Variants in RUSC2 observed in about 807,000 individuals in gnomAD.
RUSC2 encodes AP-4 complex accessory subunit RUSC2.
A neutral mutation model predicts 122.2 loss-of-function variants in RUSC2; 34 were observed. The observed-to-expected ratio is 0.28, with a 90% CI of 0.21 to 0.37. The LOEUF (loss-of-function observed/expected upper bound fraction) is 0.37. Ranked by LOEUF, RUSC2 falls within the 10% of genes least tolerant of loss-of-function variation. RUSC2 has a pLI of 1.00. For missense variants in RUSC2, 1,747 were observed against 1,952.4 expected, an observed-to-expected ratio of 0.89 and a Z score of 1.98; for synonymous variants, 784 against 790.0, an observed-to-expected ratio of 0.99 and a Z score of 0.13.
chr9:35,503,938 C>T (rs150640559), intron 1 of RUSC2, among the ~76,000 whole-genome samples: 1 of 152,192 alleles, frequency 6.6e-6, no homozygotes, highest in East Asian at 1.9e-4. Flanking sequence ...CTATGCCCAG[C>T]TAATTTTTGT....
At chr9:35,517,503 C>T (rs1821129910) in intron 1 of RUSC2, among the ~76,000 whole-genome samples, 1 of 140,510 alleles carries the variant, frequency 7.1e-6, no homozygotes, top group Non-Finnish European at 1.6e-5. Flanking sequence ...TGTCCTGGGC[C>T]CACAAACAGG....
intron 1 of RUSC2, among the ~76,000 whole-genome samples, chr9:35,528,212 G>A (rs1355201740): frequency 6.6e-6 from 1 of 151,954 alleles, no homozygotes; most frequent in Non-Finnish European, 1.5e-5. Context: ...ATAGCAAGAT[G>A]CCATCTCTAC....
chr9:35,517,265 G>A (rs1821126178), intron 1 of RUSC2, among the ~76,000 whole-genome samples: 2 of 152,246 alleles, frequency 1.3e-5, no homozygotes, highest in African/African-American at 4.8e-5. Flanking sequence ...TAGATTTCTA[G>A]TTCTCTTCGG....
At position 35,547,980 on chromosome 9, in the gene RUSC2, C is replaced by T; in HGVS notation, c.1459C>T (p.Pro487Ser). The T allele has an allele frequency of 1.2e-6, 2 of 1,614,188 alleles. No individual in the cohort carries two copies. The highest frequency in any genetic ancestry group is 1.7e-5 in the Admixed American group (1 of 60,030). ...ACAAGTATACACGAATACTTCACCC[C>T]CCAACCTCAGCACTGGACGTCAGCG... ...EGQVYTNTSP[P>S]NLSTGRQRSR... Residue 487 changes from proline to serine, a missense_variant, in exon 2 of 12, where the codon CCC becomes TCC. Physicochemically the swap from Pro to Ser is moderately conservative, Grantham distance 74 (BLOSUM62 -1). Coordinates refer to ENST00000361226, the MANE Select transcript of RUSC2 (RefSeq NM_014806.5). This position sits in a 1 kb window ranked among gnomAD's most constrained non-coding sequence, Gnocchi z 4.6.
chr9:35,547,274 C>T lies in RUSC2; in HGVS notation c.753C>T (p.Arg251=). The change falls in exon 2 of 12, where the codon CGC becomes CGT. Residue 251 remains arginine, a synonymous_variant. Coordinates refer to ENST00000361226, the MANE Select transcript of RUSC2 (RefSeq NM_014806.5). The surrounding 1 kb of genome is among the most constrained non-coding windows in gnomAD (Gnocchi z 4.6). ...CCGGCTCAGGGGACCAGCACTGCCG[C>T]TGCAGTAGCACATCCAGTCAGTCCG... The part of the protein sequence containing the change: ...GCSGSGDQHC[R]CSSTSSQSEA... 2 of 1,614,204 alleles carry T rather than the reference C, an allele frequency of 1.2e-6. No homozygotes were observed. The highest frequency in any genetic ancestry group is 1.7e-6 in the Non-Finnish European group (2 of 1,180,028).
chr9:35,534,911 T>C (rs1292944333), intron 1 of RUSC2, among the ~76,000 whole-genome samples: 1 of 152,234 alleles, frequency 6.6e-6, no homozygotes, highest in African/African-American at 2.4e-5. Context: ...GTGGGTTTTC[T>C]TTTGACTATC....
Position 35,561,501 on chromosome 9 carries a change from C to T in RUSC2, c.*119C>T. On this transcript the variant is annotated 3_prime_UTR_variant, in exon 12 of 12. Coordinates refer to ENST00000361226, the MANE Select transcript of RUSC2 (RefSeq NM_014806.5). ...AGACTGAGAGCTGGGGCCACGTATC[C>T]CTGTGCTGGCACCTGCTCCCTGTGC... 3 of 783,846 alleles carry T rather than the reference C, an allele frequency of 3.8e-6. No homozygotes were observed. In the East Asian group the frequency reaches 7.8e-5, roughly 20 times the overall value. 48.6% of individuals were successfully genotyped at this position (783,846 alleles called of 1,614,324 possible).
At chr9:35,543,751 G>A (rs1042041057) in intron 1 of RUSC2, among the ~76,000 whole-genome samples, 2 of 152,184 alleles carry the variant, frequency 1.3e-5, no homozygotes, top group Middle Eastern at 3.2e-3. Flanking sequence ...TTACAGGCAT[G>A]AGCCACCACG....
At chr9:35,544,531 C>T (rs1821707947) in intron 1 of RUSC2, among the ~76,000 whole-genome samples, 1 of 152,126 alleles carries the variant, frequency 6.6e-6, no homozygotes, top group Non-Finnish European at 1.5e-5. Context: ...TGGTCTCTGT[C>T]TCCTGACCTC....
At position 35,555,154 on chromosome 9, in the gene RUSC2, C is replaced by T. The variant is rs754308469; in HGVS notation, c.2109C>T (p.Phe703=). The change falls in exon 3 of 12, where the codon TTC becomes TTT. Residue 703 remains phenylalanine, a synonymous_variant. Transcript: ENST00000361226. This position sits in a 1 kb window ranked among gnomAD's most constrained non-coding sequence, Gnocchi z 4.6. The stretch of plus-strand genomic sequence containing the variant: ...AGCCCTTCGTGTTCCAGCACCACTT[C>T]CCCAAGCAGCTGGCCAAGGCCCGGG... ...PIQPFVFQHH[F]PKQLAKARAL... 32 of 1,613,760 alleles carry T rather than the reference C, an allele frequency of 2.0e-5. No homozygotes were observed. The South Asian group carries it at 3.3e-4, about 17-fold the overall frequency.
At chr9:35,499,202 G>T (rs1205977924) in intron 1 of RUSC2, among the ~76,000 whole-genome samples, 1 of 151,598 alleles carries the variant, frequency 6.6e-6, no homozygotes, top group Non-Finnish European at 1.5e-5. Flanking sequence ...CACAGGAATT[G>T]CTTGAACCCA....
chr9:35,495,064 G>GTATATATTATATATAGTATATAT (rs1820663187), intron 1 of RUSC2, among the ~76,000 whole-genome samples: 12 of 28,832 alleles, frequency 4.2e-4, no homozygotes, highest in African/African-American at 2.3e-3. Flanking sequence ...ATATACTATA[G>GTATATATTATATATAGTATATAT]TATATATTAT....
chr9:35,547,280 T>C lies in RUSC2; in HGVS notation c.759T>C (p.Ser253=). 1.2e-6 allele frequency: 2 copies of C among 1,614,188 alleles called. No individual in the cohort carries two copies. The highest frequency in any genetic ancestry group is 3.3e-4 in the Middle Eastern group (2 of 6,062). ...CAGGGGACCAGCACTGCCGCTGCAG[T>C]AGCACATCCAGTCAGTCCGAGGCAG... ...SGSGDQHCRC[S]STSSQSEAAD... The change falls in exon 2 of 12, where the codon AGT becomes AGC. Residue 253 remains serine, a synonymous_variant. Transcript: ENST00000361226. This position sits in a 1 kb window ranked among gnomAD's most constrained non-coding sequence, Gnocchi z 4.6.
intron 1 of RUSC2, among the ~76,000 whole-genome samples, chr9:35,491,427 A>G (rs980903133): frequency 2.6e-5 from 4 of 152,202 alleles, no homozygotes; most frequent in Non-Finnish European, 5.9e-5. Context: ...TCCAAACAGT[A>G]TACCTGGTAT....
intron 1 of RUSC2, among the ~76,000 whole-genome samples, chr9:35,495,030 T>TATATATACTATAGGATATATA (rs1564239896): frequency 2.7e-4 from 23 of 86,742 alleles, no homozygotes; most frequent in Non-Finnish European, 4.8e-4. Context: ...TTTTATATAT[T>TATATATACTATAGGATATATA]ATATATACTA....
At chr9:35,522,732 T>G (rs2132519246) in intron 1 of RUSC2, among the ~76,000 whole-genome samples, 1 of 152,362 alleles carries the variant, frequency 6.6e-6, no homozygotes, top group East Asian at 1.9e-4. Flanking sequence ...CAGTATGTAA[T>G]AATTTATTTT....
intron 1 of RUSC2, among the ~76,000 whole-genome samples, chr9:35,536,615 C>G (rs1821532075): frequency 6.6e-6 from 1 of 151,942 alleles, no homozygotes; most frequent in Non-Finnish European, 1.5e-5. Context: ...GAGTTCAAAA[C>G]AAGCCTGGCC....
At chr9:35,532,524 C>T (rs1188738759) in intron 1 of RUSC2, among the ~76,000 whole-genome samples, 1 of 152,196 alleles carries the variant, frequency 6.6e-6, no homozygotes, top group Non-Finnish European at 1.5e-5. Flanking sequence ...GTGGGCAGAT[C>T]ACTTGAGCTC....
intron 1 of RUSC2, among the ~76,000 whole-genome samples, chr9:35,515,586 T>A (rs1261070674): frequency 6.6e-6 from 1 of 152,206 alleles, no homozygotes; most frequent in African/African-American, 2.4e-5. Flanking sequence ...CAAGCCCAAC[T>A]TCTCTACTTT....
Sources: allele counts gnomAD v4.1 joint callset (sites outside exome capture counted in the v4.1 genomes callset), GRCh38; gene constraint gnomAD v4.1.1; non-coding constraint Gnocchi (gnomAD v3.1); transcripts MANE v1.5; gene names NCBI Gene and HGNC (gene_info 2026-07-23, HGNC 2026-07-21).